SAV1: variants seen among roughly 807,000 people sequenced by gnomAD.
SAV1 encodes salvador family WW domain containing protein 1.
A neutral mutation model predicts 47.3 loss-of-function variants in SAV1; 23 were observed. That is an observed-to-expected ratio of 0.49 (90% CI 0.35 to 0.69). SAV1 has a LOEUF of 0.69. Ranked by LOEUF, SAV1 falls within the 30% of genes least tolerant of loss-of-function variation. The pLI is 0.01. For synonymous variants in SAV1, 155 were observed against 159.2 expected, an observed-to-expected ratio of 0.97 and a Z score of 0.20; for missense variants, 448 against 457.4, an observed-to-expected ratio of 0.98 and a Z score of 0.19.
chr14:50,648,417 G>C (rs1046545232), intron 2 of SAV1, among the ~76,000 whole-genome samples: 5 of 152,136 alleles, frequency 3.3e-5, no homozygotes, highest in African/African-American at 1.2e-4. Flanking sequence ...TGTGTAACTT[G>C]AAAAAAGTTA....
In SAV1 at chr14:50,634,127, C is replaced by T. The variant is rs983816282; in HGVS notation, c.*1056G>A. 2.2e-6 allele frequency: 1 copy of T among 454,178 alleles called. No homozygotes were observed. Among genetic ancestry groups the T allele is most frequent in the East Asian group, 7.0e-5 (1 of 14,384 alleles). The allele number at this position is 454,178 out of a possible 1,614,324, so 28.1% of individuals were successfully genotyped here. ...AGGCAGTATGCTATGCTGTCAGGAACTCTCCACTGCCTCGTCAGAGCCATG... is the reference window on the plus strand; with the variant it reads ...AGGCAGTATGCTATGCTGTCAGGAATTCTCCACTGCCTCGTCAGAGCCATG... On this transcript the variant is annotated 3_prime_UTR_variant, in exon 5 of 5. Coordinates refer to ENST00000324679, the MANE Select transcript of SAV1 (RefSeq NM_021818.4).
chr14:50,646,197 A>G lies in SAV1; in HGVS notation c.536-1183T>C, dbSNP rs1261535754. 2.0e-5 allele frequency among the ~76,000 whole-genome samples: 3 copies of G among 152,194 alleles called. No homozygotes were observed. In the East Asian group the frequency reaches 5.8e-4, roughly 29 times the overall value. On this transcript the variant is annotated intron_variant, in intron 2 of 4. Coordinates refer to ENST00000324679, the MANE Select transcript of SAV1 (RefSeq NM_021818.4). Reference sequence around the variant, plus strand: ...ACGTATCTATGATGAAGTTTAACTTATAAATTAGGCACAGTAAGGGATTAA... The same window carrying G: ...ACGTATCTATGATGAAGTTTAACTTGTAAATTAGGCACAGTAAGGGATTAA...
intron 4 of SAV1, among the ~76,000 whole-genome samples, chr14:50,636,949 A>C (rs1358900746): frequency 6.6e-6 from 1 of 152,196 alleles, no homozygotes; most frequent in Non-Finnish European, 1.5e-5. Flanking sequence ...TTTCCTACCC[A>C]GTGGTTCTTT....
At chr14:50,637,567 G>A (rs748371183) in intron 4 of SAV1, 3 of 150,496 alleles carry the variant, frequency 2.0e-5, no homozygotes, top group Non-Finnish European at 2.9e-5. Flanking sequence ...AAAATAAGAT[G>A]GTAAATATTA....
intron 4 of SAV1, among the ~76,000 whole-genome samples, chr14:50,639,757 C>T (rs1416835549): frequency 6.6e-6 from 1 of 152,092 alleles, no homozygotes; most frequent in East Asian, 1.9e-4. Flanking sequence ...AAATAACATA[C>T]AACAGAAAGA....
At chr14:50,648,777 CA>C (rs11421864) in intron 2 of SAV1, among the ~76,000 whole-genome samples, 23 of 139,240 alleles carry the variant, frequency 1.7e-4, no homozygotes, top group South Asian at 6.9e-4. Flanking sequence ...GACTCCGTCT[CA>C]AAAAAAAAAA....
At chr14:50,640,961 C>G in intron 3 of SAV1, 68 bp from the exon 4 acceptor site, 4 of 1,417,138 alleles carry the variant, frequency 2.8e-6, no homozygotes, top group Non-Finnish European at 2.9e-6. Flanking sequence ...TTATAAAGAA[C>G]AAATAATACT....
In SAV1 at chr14:50,665,526, G is replaced by A. The variant is rs2039894568; in HGVS notation, c.188C>T (p.Ser63Phe). 1.2e-6 allele frequency: 2 copies of A among 1,613,946 alleles called. No individual in the cohort carries two copies. Among genetic ancestry groups the A allele is most frequent in the Admixed American group, 1.7e-5 (1 of 59,996 alleles). Residue 63 changes from serine to phenylalanine, a missense_variant, in exon 2 of 5, where the codon TCT (serine) becomes TTT (phenylalanine). Coordinates refer to ENST00000324679, the MANE Select transcript of SAV1 (RefSeq NM_021818.4). Reference sequence around the variant, plus strand: ...CTGGTTTCTTGAAACTACATCTCCAGAAGTTGAAAAGGCATTAGGGCTTGA... The same window carrying A: ...CTGGTTTCTTGAAACTACATCTCCAAAAGTTGAAAAGGCATTAGGGCTTGA... Reference protein sequence around the residue: ...PDSSPNAFSTSGDVVSRNQSF... With the variant: ...PDSSPNAFSTFGDVVSRNQSF...
chr14:50,645,037 A>G (rs1390390179), intron 2 of SAV1, 23 bp from the exon 3 acceptor site: 2 of 1,590,438 alleles, frequency 1.3e-6, no homozygotes, highest in Non-Finnish European at 1.7e-6. Flanking sequence ...AGAAAATGAT[A>G]GAGAAGAAAC....
intron 4 of SAV1, chr14:50,637,816 C>T (rs1305154670): frequency 1.3e-5 from 2 of 152,378 alleles, no homozygotes; most frequent in Admixed American, 1.3e-4. Context: ...TTCGCCCCTC[C>T]TTAGGCAACC....
In SAV1 at chr14:50,663,643, T is replaced by TA. The variant is rs2039877861; in HGVS notation, c.535+1535dup. Among the ~76,000 whole-genome samples, 5 of 152,322 alleles carry TA rather than the reference T, an allele frequency of 3.3e-5. No homozygotes were observed. In the South Asian group the frequency reaches 1.0e-3, roughly 32 times the overall value. The stretch of plus-strand genomic sequence containing the variant: ...AAAACTTCAGTGATCTGCTTTCTCC[T>TA]AAACTCTAATTCTCATTTTTCCTTT... On this transcript the variant is annotated intron_variant, in intron 2 of 4. Coordinates refer to ENST00000324679, the MANE Select transcript of SAV1 (RefSeq NM_021818.4).
In SAV1 at chr14:50,665,602, T is replaced by G; in HGVS notation, c.112A>C (p.Ile38Leu). 1 of 1,609,016 alleles carries G rather than the reference T, an allele frequency of 6.2e-7. No homozygotes were observed. The highest frequency in any genetic ancestry group is 8.5e-7 in the Non-Finnish European group (1 of 1,177,362). ...CTTGGAATTGTTGGACCATGCCGGATGAATGAAGGCATAAGATCTACAATA... is the reference window on the plus strand; with the variant it reads ...CTTGGAATTGTTGGACCATGCCGGAGGAATGAAGGCATAAGATCTACAATA... ...PLLRNLMPSF[I>L]RHGPTIPRRT... The change falls in exon 2 of 5, where the codon ATC (isoleucine) becomes CTC (leucine). Residue 38 changes from isoleucine to leucine, a missense_variant. Physicochemically the swap from Ile to Leu is conservative, Grantham distance 5. Transcript: ENST00000324679.
At chr14:50,666,662 G>A (rs1326299966) in intron 1 of SAV1, among the ~76,000 whole-genome samples, 1 of 151,642 alleles carries the variant, frequency 6.6e-6, no homozygotes, top group Non-Finnish European at 1.5e-5. Context: ...TAAAAAGTGT[G>A]ACAAACATAA....
intron 4 of SAV1, 52 bp downstream of exon 4, chr14:50,640,698 A>C: frequency 6.5e-7 from 1 of 1,547,920 alleles, no homozygotes; most frequent in Non-Finnish European, 8.8e-7. Context: ...CAGAGACTCC[A>C]TTCAGCCCTT....
At chr14:50,659,073 A>ATT (rs33946852) in intron 2 of SAV1, among the ~76,000 whole-genome samples, 5 of 131,124 alleles carry the variant, frequency 3.8e-5, no homozygotes, top group Admixed American at 7.6e-5. Context: ...GCTGTAAAGA[A>ATT]TTTTTTTTTT....
In SAV1 at chr14:50,634,239, T is replaced by C; in HGVS notation, c.*944A>G. 1 of 448,892 alleles carries C rather than the reference T, an allele frequency of 2.2e-6. No individual in the cohort carries two copies. Among genetic ancestry groups the C allele is most frequent in the Non-Finnish European group, 4.5e-6 (1 of 222,896 alleles). 27.8% of individuals were successfully genotyped at this position (448,892 alleles called of 1,614,324 possible). The stretch of plus-strand genomic sequence containing the variant: ...ACGCACCTTCCCAATACAGGCTAAG[T>C]ATTCCTGCTTATATGTATTCCTGAA... On this transcript the variant is annotated 3_prime_UTR_variant, in exon 5 of 5. Coordinates refer to ENST00000324679, the MANE Select transcript of SAV1 (RefSeq NM_021818.4).
chr14:50,664,101 C>G (rs2140265959), intron 2 of SAV1, among the ~76,000 whole-genome samples: 1 of 152,308 alleles, frequency 6.6e-6, no homozygotes, highest in Non-Finnish European at 1.5e-5. Context: ...TTCTGATTCC[C>G]TGTTGCACTT....
chr14:50,644,559 A>ATT (rs140602624), intron 3 of SAV1, among the ~76,000 whole-genome samples, 185 bp downstream of exon 3: 11 of 151,728 alleles, frequency 7.2e-5, no homozygotes, highest in Non-Finnish European at 1.6e-4. Flanking sequence ...AGAGAAAAGT[A>ATT]TTTTTTTAAC....
intron 2 of SAV1, among the ~76,000 whole-genome samples, chr14:50,649,165 T>G (rs1462937910): frequency 6.6e-6 from 1 of 152,240 alleles, no homozygotes; most frequent in Admixed American, 6.5e-5. Context: ...ACTCTCACCC[T>G]CTTCAAGCCT....
Sources: gnomAD v4.1 joint callset for allele counts (sites outside exome capture counted in the v4.1 genomes callset) on GRCh38, gnomAD v4.1.1 for gene constraint, MANE v1.5 for transcripts, NCBI Gene and HGNC (gene_info 2026-07-23, HGNC 2026-07-21) for gene names.